RGS7: variants seen among roughly 807,000 people sequenced by gnomAD.
The protein encoded by RGS7 is regulator of G-protein signaling 7.
In RGS7, 27 loss-of-function variants were observed where a neutral mutation model predicts 81.1. The observed-to-expected ratio is 0.33, with a 90% confidence interval of 0.25 to 0.46. The LOEUF is 0.46. Among genes scored for constraint, RGS7 ranks in the 20% least tolerant of loss-of-function variants. The pLI is 1.00. For synonymous variants in RGS7, 208 were observed against 207.7 expected, an observed-to-expected ratio of 1.00 and a Z score of -0.01; for missense variants, 396 against 607.4, an observed-to-expected ratio of 0.65 and a Z score of 3.66.
At chr1:241,299,348 A>G (rs556648327) in intron 2 of RGS7, among the ~76,000 whole-genome samples, 66 of 152,140 alleles carry the variant, frequency 4.3e-4, no homozygotes, top group African/African-American at 1.6e-3. Flanking sequence ...TAGATGATTC[A>G]TACATTTTCT....
chr1:240,908,323 A>T (rs978011258), intron 6 of RGS7, among the ~76,000 whole-genome samples: 2 of 152,152 alleles, frequency 1.3e-5, no homozygotes, highest in African/African-American at 2.4e-5. Flanking sequence ...ATTGTGCACA[A>T]GTACCTTAGA....
intron 18 of RGS7, among the ~76,000 whole-genome samples, chr1:240,800,358 A>G (rs1687827976): frequency 6.6e-6 from 1 of 152,162 alleles, no homozygotes; most frequent in Admixed American, 6.6e-5. Flanking sequence ...CACAGTATAT[A>G]TTACTGTTCA....
At chr1:240,795,609 C>T (rs1392562753) in intron 18 of RGS7, among the ~76,000 whole-genome samples, 4 of 152,078 alleles carry the variant, frequency 2.6e-5, no homozygotes. Flanking sequence ...TTTTATTGTA[C>T]TTTGACCTAT....
At chr1:241,037,594 C>T (rs972206542) in intron 3 of RGS7, among the ~76,000 whole-genome samples, 20 of 151,690 alleles carry the variant, frequency 1.3e-4, no homozygotes, top group African/African-American at 4.4e-4. Context: ...GGTGGCAGGC[C>T]CTTGCAATCC....
At chr1:241,194,011 T>C (rs984352120) in intron 2 of RGS7, among the ~76,000 whole-genome samples, 12 of 152,224 alleles carry the variant, frequency 7.9e-5, no homozygotes, top group African/African-American at 2.7e-4. Flanking sequence ...TCATCACCAT[T>C]TAAATTGTTG....
chr1:241,007,959 G>A (rs374497266), intron 3 of RGS7, among the ~76,000 whole-genome samples: 1 of 152,304 alleles, frequency 6.6e-6, no homozygotes, highest in East Asian at 1.9e-4. Context: ...TATTCAATGG[G>A]AGGAGGAAGT....
chr1:241,262,320 C>T (rs2077378490), intron 2 of RGS7, among the ~76,000 whole-genome samples: 1 of 152,186 alleles, frequency 6.6e-6, no homozygotes, highest in Non-Finnish European at 1.5e-5. Context: ...GGGACCAAGG[C>T]ATTCTGTGAC....
In RGS7 at chr1:240,832,596, C is replaced by T. The variant is rs770492872; in HGVS notation, c.610-5424G>A. ...TAAATGCCATTTAGTTCCTTTCATGCGATAGTACATTTTTGTTAGTTATAG... is the reference window on the plus strand; with the variant it reads ...TAAATGCCATTTAGTTCCTTTCATGTGATAGTACATTTTTGTTAGTTATAG... On this transcript the variant is annotated intron_variant, in intron 9 of 18. Coordinates refer to ENST00000440928, the MANE Select transcript of RGS7 (RefSeq NM_001364886.1). Among the ~76,000 whole-genome samples the T allele has an allele frequency of 7.2e-5, 11 of 152,038 alleles. 1 individual carries two copies. In the South Asian group the frequency reaches 8.3e-4, roughly 11 times the overall value.
chr1:241,139,122 G>C (rs528737481), intron 2 of RGS7, among the ~76,000 whole-genome samples: 1 of 151,618 alleles, frequency 6.6e-6, no homozygotes, highest in Admixed American at 6.6e-5. Context: ...TGTAGCATGC[G>C]TCAGTAGATT....
At chr1:240,974,276 T>C (rs942433560) in intron 4 of RGS7, among the ~76,000 whole-genome samples, 4 of 152,244 alleles carry the variant, frequency 2.6e-5, no homozygotes, top group Admixed American at 2.0e-4. Context: ...AGATAAATTA[T>C]ATTTATCCTT....
intron 6 of RGS7, among the ~76,000 whole-genome samples, chr1:240,913,910 CT>C (rs893370897): frequency 6.7e-6 from 1 of 149,194 alleles, no homozygotes; most frequent in African/African-American, 2.5e-5. Flanking sequence ...TTTTAATTTT[CT>C]TTTTTTTATT....
intron 18 of RGS7, among the ~76,000 whole-genome samples, chr1:240,790,537 A>G (rs1249273979): frequency 6.6e-6 from 1 of 152,214 alleles, no homozygotes; most frequent in Admixed American, 6.5e-5. Flanking sequence ...CAAGCAATTC[A>G]CTAGTTGTCA....
chr1:241,315,878 A>G (rs1249395114), intron 2 of RGS7, among the ~76,000 whole-genome samples: 1 of 152,168 alleles, frequency 6.6e-6, no homozygotes, highest in Non-Finnish European at 1.5e-5. Context: ...TTCTTTCTAC[A>G]CATATATTAT....
intron 3 of RGS7, among the ~76,000 whole-genome samples, chr1:241,044,269 C>T (rs547004550): frequency 5.3e-5 from 8 of 151,982 alleles, no homozygotes; most frequent in East Asian, 1.9e-4. Context: ...CACACAACCA[C>T]GCCCGCCTAA....
rs955997393 is a variant in RGS7 at position 240,902,018 on chromosome 1, C to G, written c.385+28699G>C. ...TTATGTTAAGGGTCAATAGAGCCAT[C>G]GAAATGTTTTTCTCTCCAGATTTTA... On this transcript the variant is annotated intron_variant, in intron 6 of 18. Coordinates refer to ENST00000440928, the MANE Select transcript of RGS7 (RefSeq NM_001364886.1). Among the ~76,000 whole-genome samples, 6 of 152,116 alleles carry G rather than the reference C, an allele frequency of 3.9e-5. No individual in the cohort carries two copies. In the South Asian group the frequency reaches 1.2e-3, roughly 32 times the overall value.
intron 3 of RGS7, chr1:240,998,800 G>A: frequency 1.2e-5 from 8 of 643,840 alleles, no homozygotes; most frequent in Admixed American, 3.7e-5. Flanking sequence ...GCCATGGCAC[G>A]GGTGAGTGTG....
chr1:241,090,091 T>C (rs909381329), intron 3 of RGS7, among the ~76,000 whole-genome samples: 5 of 151,994 alleles, frequency 3.3e-5, no homozygotes, highest in Non-Finnish European at 7.4e-5. Context: ...AAATCAAAGA[T>C]GGATTTTAAT....
intron 18 of RGS7, among the ~76,000 whole-genome samples, chr1:240,789,933 C>A (rs11801451): frequency 0.089 from 13,619 of 152,190 alleles, 2,049 homozygotes; most frequent in African/African-American, 0.31. Flanking sequence ...GGTTTTGCGG[C>A]TTGTGGGGCA....
At chr1:241,114,256 A>G (rs1338212884) in intron 2 of RGS7, among the ~76,000 whole-genome samples, 2 of 152,098 alleles carry the variant, frequency 1.3e-5, no homozygotes, top group Non-Finnish European at 2.9e-5. Flanking sequence ...GACACTCCTC[A>G]ATCTAGTTAT....
Sources: gnomAD v4.1 joint callset for allele counts (sites outside exome capture counted in the v4.1 genomes callset) on GRCh38, gnomAD v4.1.1 for gene constraint, MANE v1.5 for transcripts, NCBI Gene and HGNC (gene_info 2026-07-23, HGNC 2026-07-21) for gene names.